The following ITPR2 variants were observed in gnomAD, a reference collection of about 807,000 sequenced individuals.
ITPR2 encodes inositol 1,4,5-trisphosphate-gated calcium channel ITPR2.
Under a neutral mutation model 317.1 loss-of-function variants are expected in ITPR2, and 207 were observed. The ratio of observed to expected loss-of-function variants is 0.65; its 90% CI spans 0.58 to 0.73. The LOEUF (loss-of-function observed/expected upper bound fraction) is 0.73. Among genes scored for constraint, ITPR2 ranks in the 30% least tolerant of loss-of-function variants. ITPR2 has a pLI of 0.00. For missense variants in ITPR2, 2,613 were observed against 3,284.0 expected, an observed-to-expected ratio of 0.80 and a Z score of 4.99; for synonymous variants, 1,156 against 1,149.1, an observed-to-expected ratio of 1.01 and a Z score of -0.12.
At chr12:26,545,956 G>C (rs1426471898) in intron 37 of ITPR2, among the ~76,000 whole-genome samples, 1 of 152,168 alleles carries the variant, frequency 6.6e-6, no homozygotes, top group Non-Finnish European at 1.5e-5. Flanking sequence ...GATGTCTTCT[G>C]CTTCCACTGA....
intron 29 of ITPR2, 79 bp from the exon 30 acceptor site, chr12:26,599,424 C>T: frequency 1.6e-6 from 2 of 1,251,010 alleles, no homozygotes; most frequent in Non-Finnish European, 1.2e-6. Context: ...AATTGCCCTG[C>T]TTGTGATCAG....
intron 54 of ITPR2, among the ~76,000 whole-genome samples, chr12:26,393,498 C>A (rs369296600): frequency 3.9e-5 from 6 of 152,144 alleles, no homozygotes; most frequent in Non-Finnish European, 8.8e-5. Flanking sequence ...AAATGTATAC[C>A]TTTCTGTTAC....
Position 26,802,552 on chromosome 12 carries a change from T to TATATATCTATATATAGATATAGATATAG in ITPR2, c.93-12353_93-12326dup, listed in dbSNP as rs1177469104. Among the ~76,000 whole-genome samples the TATATATCTATATATAGATATAGATATAG allele has an allele frequency of 2.8e-3, 409 of 146,116 alleles. 3 individuals carry two copies. The highest frequency in any genetic ancestry group is 0.028 in the South Asian group (120 of 4,314). The stretch of plus-strand genomic sequence containing the variant: ...CTCAACAAACTGCAGAGGAGATATA[T>TATATATCTATATATAGATATAGATATAG]ATATATCTATATATAGATATAGATA... On this transcript the variant is annotated intron_variant, in intron 1 of 56. Transcript: ENST00000381340.
chr12:26,441,618 C>G (rs993606983), intron 46 of ITPR2, among the ~76,000 whole-genome samples: 22 of 152,254 alleles, frequency 1.4e-4, no homozygotes, highest in African/African-American at 4.8e-4. Context: ...AGTGCAAGAG[C>G]TGATCAACGA....
At chr12:26,667,693 T>C (rs1947660205) in intron 13 of ITPR2, among the ~76,000 whole-genome samples, 2 of 152,242 alleles carry the variant, frequency 1.3e-5, no homozygotes, top group South Asian at 2.1e-4. Flanking sequence ...ATATGCCCAA[T>C]GCAAGTCCAG....
At chr12:26,619,419 T>C (rs2136798388) in intron 26 of ITPR2, among the ~76,000 whole-genome samples, 1 of 152,294 alleles carries the variant, frequency 6.6e-6, no homozygotes, top group Middle Eastern at 3.4e-3. Flanking sequence ...TAATTCAGGG[T>C]GGTGTATCCT....
intron 55 of ITPR2, among the ~76,000 whole-genome samples, chr12:26,386,671 G>A (rs141426451): frequency 4.1e-4 from 62 of 150,810 alleles, no homozygotes; most frequent in African/African-American, 1.5e-3. Flanking sequence ...TTTTTTTGGG[G>A]GGTGGGGGGA....
At chr12:26,433,577 T>C (rs983783848) in intron 48 of ITPR2, among the ~76,000 whole-genome samples, 1 of 152,098 alleles carries the variant, frequency 6.6e-6, no homozygotes, top group Non-Finnish European at 1.5e-5. Flanking sequence ...AACTTAACTG[T>C]TGATGGAGTG....
At position 26,655,856 on chromosome 12, in the gene ITPR2, G is replaced by A; in HGVS notation, c.2445-4C>T. On this transcript the variant is annotated splice_polypyrimidine_tract_variant and splice_region_variant and intron_variant, in intron 19 of 56. Transcript: ENST00000381340. The stretch of plus-strand genomic sequence containing the variant: ...AGAGTCTGTTATAGAATCATATCTG[G>A]AAATAGAGAAAGAAGATAACGCAAG... 6.2e-7 allele frequency: 1 copy of A among 1,602,518 alleles called. No individual in the cohort carries two copies. The highest frequency in any genetic ancestry group is 1.1e-5 in the South Asian group (1 of 89,612).
chr12:26,807,370 A>G (rs1565780665), intron 1 of ITPR2, among the ~76,000 whole-genome samples: 4 of 152,330 alleles, frequency 2.6e-5, no homozygotes, highest in Admixed American at 1.3e-4. Flanking sequence ...CATACATTGC[A>G]AAGTATTTCC....
At chr12:26,382,012 A>T (rs1225962732) in intron 55 of ITPR2, among the ~76,000 whole-genome samples, 1 of 152,148 alleles carries the variant, frequency 6.6e-6, no homozygotes, top group Admixed American at 6.5e-5. Flanking sequence ...AATGATGTCT[A>T]TTTTTGTTTG....
chr12:26,653,385 G>A (rs761052152), intron 21 of ITPR2, among the ~76,000 whole-genome samples: 6 of 151,770 alleles, frequency 4.0e-5, no homozygotes, highest in Non-Finnish European at 7.4e-5. Context: ...GGAATTACAG[G>A]CACACGCCAC....
chr12:26,749,844 A>G (rs1424329917), intron 2 of ITPR2, among the ~76,000 whole-genome samples: 1 of 152,218 alleles, frequency 6.6e-6, no homozygotes, highest in Non-Finnish European at 1.5e-5. Context: ...GTAATCATGT[A>G]TGGGTTTCTT....
chr12:26,663,661 T>C lies in ITPR2; in HGVS notation c.1713+24A>G, dbSNP rs1457794962. ...GCCCATACTTTACATATGAAACAGT[T>C]TAAAATGGGGGCTACCCTCTGACCT... On this transcript the variant is annotated intron_variant, in intron 15 of 56. Coordinates refer to ENST00000381340, the MANE Select transcript of ITPR2 (RefSeq NM_002223.4). 5 of 1,586,850 alleles carry C rather than the reference T, an allele frequency of 3.2e-6. No individual in the cohort carries two copies. The East Asian group carries it at 1.1e-4, about 36-fold the overall frequency.
At chr12:26,387,360 G>T in intron 55 of ITPR2, 74 bp downstream of exon 55, 1 of 1,359,326 alleles carries the variant, frequency 7.4e-7, no homozygotes, top group Non-Finnish European at 1.0e-6. Context: ...TATTTTGGGA[G>T]GATGGTAGGG....
intron 21 of ITPR2, among the ~76,000 whole-genome samples, chr12:26,642,412 T>A (rs1259031725): frequency 6.6e-6 from 1 of 152,020 alleles, no homozygotes; most frequent in Non-Finnish European, 1.5e-5. Context: ...CAGGAGTGGG[T>A]TTTTTGTGAA....
chr12:26,464,246 C>A (rs1427942032), intron 45 of ITPR2, among the ~76,000 whole-genome samples: 1 of 152,188 alleles, frequency 6.6e-6, no homozygotes, highest in East Asian at 1.9e-4. Context: ...TTATTACGTA[C>A]TCACCATAAT....
chr12:26,484,797 C>T (rs370370476), intron 41 of ITPR2, among the ~76,000 whole-genome samples: 31 of 152,084 alleles, frequency 2.0e-4, no homozygotes, highest in East Asian at 5.8e-4. Flanking sequence ...CTGCAAGCTC[C>T]GCCTCCCGGG....
chr12:26,773,159 AT>A (rs1949902228), intron 2 of ITPR2, among the ~76,000 whole-genome samples: 1 of 152,146 alleles, frequency 6.6e-6, no homozygotes, highest in Non-Finnish European at 1.5e-5. Context: ...CATCTATGTG[AT>A]TTGAGCATGC....
Sources: allele counts gnomAD v4.1 joint callset (sites outside exome capture counted in the v4.1 genomes callset), GRCh38; gene constraint gnomAD v4.1.1; transcripts MANE v1.5; gene names NCBI Gene and HGNC (gene_info 2026-07-23, HGNC 2026-07-21).